LIN54: variants seen among roughly 807,000 people sequenced by gnomAD.
LIN54 encodes protein lin-54 homolog.
LIN54 carries 9 observed loss-of-function variants against 78.7 expected under a neutral mutation model. The ratio of observed to expected loss-of-function variants is 0.11; its 90% CI spans 0.07 to 0.20. The LOEUF (loss-of-function observed/expected upper bound fraction) is 0.20, where lower values mean the gene tolerates loss of function less well. Among genes scored for constraint, LIN54 ranks in the 10% least tolerant of loss-of-function variants. The pLI is 1.00. For synonymous variants in LIN54, 269 were observed against 318.4 expected, an observed-to-expected ratio of 0.84 and a Z score of 1.65; for missense variants, 573 against 889.9, an observed-to-expected ratio of 0.64 and a Z score of 4.53.
intron 1 of LIN54, among the ~76,000 whole-genome samples, chr4:83,005,270 A>C (rs72927126): frequency 0.018 from 2,718 of 151,996 alleles, 84 homozygotes; most frequent in African/African-American, 0.062. Context: ...TAATAAAATA[A>C]GTTAGGACAA....
chr4:83,008,029 G>T (rs144708247), intron 1 of LIN54, among the ~76,000 whole-genome samples: 174 of 152,204 alleles, frequency 1.1e-3, no homozygotes, highest in African/African-American at 4.0e-3. Flanking sequence ...AACCAATTGT[G>T]TCTAAATCTC....
chr4:82,973,808 C>T (rs1725883574), intron 3 of LIN54, among the ~76,000 whole-genome samples: 1 of 152,148 alleles, frequency 6.6e-6, no homozygotes, highest in African/African-American at 2.4e-5. Context: ...CAACAGAAGA[C>T]CCATGACTGA....
intron 5 of LIN54, among the ~76,000 whole-genome samples, chr4:82,942,881 CA>C (rs1723043662): frequency 6.6e-6 from 1 of 151,826 alleles, no homozygotes; most frequent in African/African-American, 2.4e-5. Flanking sequence ...CACACACACA[CA>C]CACACACACA....
At chr4:82,941,416 G>A (rs573962625) in intron 5 of LIN54, among the ~76,000 whole-genome samples, 3 of 152,150 alleles carry the variant, frequency 2.0e-5, no homozygotes, top group South Asian at 2.1e-4. Context: ...CAGGCAAAAA[G>A]GCAGATTGCA....
At chr4:82,995,422 G>A (rs1728110535) in intron 1 of LIN54, among the ~76,000 whole-genome samples, 1 of 149,774 alleles carries the variant, frequency 6.7e-6, no homozygotes, top group East Asian at 2.0e-4. Context: ...CTATTCCAGA[G>A]CCAGGATAGC....
At chr4:82,987,833 A>G (rs1727306624) in intron 1 of LIN54, among the ~76,000 whole-genome samples, 1 of 152,248 alleles carries the variant, frequency 6.6e-6, no homozygotes, top group African/African-American at 2.4e-5. Context: ...TAGTGCTGCA[A>G]TAAACATATG....
intron 1 of LIN54, among the ~76,000 whole-genome samples, chr4:83,002,867 T>G (rs1728987724): frequency 6.6e-6 from 1 of 152,234 alleles, no homozygotes; most frequent in Non-Finnish European, 1.5e-5. Flanking sequence ...GTTAAGTTTT[T>G]GGGGATTCAA....
chr4:82,946,211 A>C (rs767874380), intron 5 of LIN54, 47 bp downstream of exon 5: 2 of 1,450,780 alleles, frequency 1.4e-6, no homozygotes, highest in African/African-American at 1.4e-5. Context: ...ATGTTCTTTA[A>C]TCATGTTAAA....
In LIN54 at chr4:82,984,645, GTGAT is replaced by G. The variant is rs1160937826; in HGVS notation, c.196_199del (p.Ile66GlnfsTer12). Reference sequence around the variant, plus strand: ...TTGGTTAGTGTGGTTACTGTACACTGTGATTGGTTCCGTGGAAATGGGCGTGGCT... The same window carrying G: ...TTGGTTAGTGTGGTTACTGTACACTGTGGTTCCGTGGAAATGGGCGTGGCT... On this transcript the variant is annotated frameshift_variant, in exon 2 of 13. Transcript: ENST00000340417. LOFTEE classifies it high-confidence loss of function. The G allele has an allele frequency of 6.2e-7, 1 of 1,614,028 alleles. No individual in the cohort carries two copies. Among genetic ancestry groups the G allele is most frequent in the African/African-American group, 1.3e-5 (1 of 74,932 alleles).
chr4:83,006,304 C>G (rs1729354012), intron 1 of LIN54, among the ~76,000 whole-genome samples: 1 of 152,038 alleles, frequency 6.6e-6, no homozygotes, highest in Non-Finnish European at 1.5e-5. Flanking sequence ...AAAAAATTAG[C>G]CAGACATGCT....
chr4:82,955,384 C>CATAACATAAA (rs1424071727), intron 4 of LIN54, among the ~76,000 whole-genome samples: 1 of 151,162 alleles, frequency 6.6e-6, no homozygotes, highest in Non-Finnish European at 1.5e-5. Flanking sequence ...CATAACATAA[C>CATAACATAAA]ATAACATAAC....
intron 1 of LIN54, 35 bp from the exon 2 acceptor site, chr4:82,984,911 G>A: frequency 2.3e-5 from 32 of 1,415,346 alleles, no homozygotes; most frequent in Non-Finnish European, 3.0e-5. Flanking sequence ...CAAGTTACTA[G>A]GTTTCAAAAG....
At chr4:82,990,729 C>T (rs531670178) in intron 1 of LIN54, among the ~76,000 whole-genome samples, 41 of 152,120 alleles carry the variant, frequency 2.7e-4, no homozygotes, top group Non-Finnish European at 4.0e-4. Context: ...GTGATCCGCC[C>T]GCCTCCGCCT....
intron 4 of LIN54, among the ~76,000 whole-genome samples, chr4:82,955,424 T>TAACATAACATAACATAACATAAC (rs1338632940): frequency 5.0e-5 from 4 of 80,040 alleles, no homozygotes; most frequent in Non-Finnish European, 6.2e-5. Flanking sequence ...CATAACATAA[T>TAACATAACATAACATAACATAAC]GAACAGACAA....
intron 4 of LIN54, among the ~76,000 whole-genome samples, chr4:82,951,473 T>A (rs1157670313): frequency 6.6e-6 from 1 of 152,102 alleles, no homozygotes; most frequent in Non-Finnish European, 1.5e-5. Flanking sequence ...CTATAAGGTA[T>A]CAGGACCAGA....
intron 1 of LIN54, among the ~76,000 whole-genome samples, chr4:83,005,300 T>C (rs906094423): frequency 6.6e-6 from 1 of 151,978 alleles, no homozygotes; most frequent in Non-Finnish European, 1.5e-5. Flanking sequence ...TTCACAATTT[T>C]TTTTTCCTTT....
intron 1 of LIN54, among the ~76,000 whole-genome samples, chr4:82,995,731 G>A (rs1728160369): frequency 1.3e-5 from 2 of 151,604 alleles, no homozygotes; most frequent in South Asian, 2.1e-4. Flanking sequence ...TCCTGACCTC[G>A]TGATCCACCC....
intron 4 of LIN54, among the ~76,000 whole-genome samples, chr4:82,965,979 T>A (rs1725171819): frequency 6.6e-6 from 1 of 152,220 alleles, no homozygotes. Flanking sequence ...AATTGTGGCC[T>A]AGTATCCTTT....
intron 4 of LIN54, among the ~76,000 whole-genome samples, chr4:82,951,425 A>G (rs1723837425): frequency 6.6e-6 from 1 of 152,150 alleles, no homozygotes; most frequent in Non-Finnish European, 1.5e-5. Flanking sequence ...GCAGCCACAG[A>G]AGGAGTCCAA....
Sources: gnomAD v4.1 joint callset for allele counts (sites outside exome capture counted in the v4.1 genomes callset) on GRCh38, gnomAD v4.1.1 for gene constraint, MANE v1.5 for transcripts, NCBI Gene and HGNC (gene_info 2026-07-23, HGNC 2026-07-21) for gene names.